PBX3: variants seen among roughly 807,000 people sequenced by gnomAD.
PBX3 encodes PBX homeobox 3, also known as pre-B-cell leukemia transcription factor 3.
In PBX3, 14 loss-of-function variants were observed where a neutral mutation model predicts 48.5. The ratio of observed to expected loss-of-function variants is 0.29; its 90% confidence interval spans 0.19 to 0.45. The LOEUF (loss-of-function observed/expected upper bound fraction) is 0.45, where lower values mean the gene tolerates loss of function less well. Ranked by LOEUF, PBX3 falls within the 20% of genes least tolerant of loss-of-function variation. PBX3 has a pLI of 1.00. For missense variants in PBX3, 386 were observed against 546.7 expected, an observed-to-expected ratio of 0.71 and a Z score of 2.93; for synonymous variants, 210 against 200.3, an observed-to-expected ratio of 1.05 and a Z score of -0.41.
intron 2 of PBX3, among the ~76,000 whole-genome samples, chr9:125,831,042 A>G (rs556163867): frequency 6.6e-6 from 1 of 152,190 alleles, no homozygotes; most frequent in South Asian, 2.1e-4. Context: ...GTCCTTTTTC[A>G]TATACCATTG....
intron 2 of PBX3, among the ~76,000 whole-genome samples, chr9:125,855,343 A>C (rs1199421008): frequency 6.6e-6 from 1 of 152,132 alleles, no homozygotes; most frequent in Non-Finnish European, 1.5e-5. Context: ...CCTTATACCA[A>C]ATAATTTAAA....
chr9:125,750,353 G>C (rs1836337244), intron 2 of PBX3, among the ~76,000 whole-genome samples: 1 of 152,114 alleles, frequency 6.6e-6, no homozygotes, highest in Non-Finnish European at 1.5e-5. Flanking sequence ...TTTTGGCCTA[G>C]CTAGCTTGAG....
chr9:125,958,747 A>T (rs1842363628), intron 5 of PBX3, among the ~76,000 whole-genome samples: 1 of 152,222 alleles, frequency 6.6e-6, no homozygotes, highest in Non-Finnish European at 1.5e-5. Context: ...AAATCTCTTT[A>T]AAAATGAGAA....
intron 2 of PBX3, among the ~76,000 whole-genome samples, chr9:125,882,361 A>G (rs964703367): frequency 3.3e-5 from 5 of 152,042 alleles, no homozygotes; most frequent in Non-Finnish European, 5.9e-5. Context: ...TTGTGTCTCA[A>G]ATGAAGAGTT....
chr9:125,780,705 C>A (rs1837257168), intron 2 of PBX3, among the ~76,000 whole-genome samples: 1 of 113,478 alleles, frequency 8.8e-6, no homozygotes. Context: ...CCACCCCCAC[C>A]TCCCTCCCGG....
At chr9:125,772,168 C>A (rs1836956910) in intron 2 of PBX3, among the ~76,000 whole-genome samples, 2 of 152,294 alleles carry the variant, frequency 1.3e-5, no homozygotes, top group South Asian at 4.1e-4. Context: ...ATTCTACTCT[C>A]AAGCACACTA....
intron 2 of PBX3, among the ~76,000 whole-genome samples, chr9:125,899,842 C>T (rs1158749225): frequency 2.0e-5 from 3 of 151,548 alleles, no homozygotes; most frequent in African/African-American, 7.3e-5. Flanking sequence ...GAATTGGAGG[C>T]ATTATTTTTT....
rs1836276305 is a variant in PBX3 at position 125,748,604 on chromosome 9, T to C, written c.255T>C (p.Cys85=). ...RMKPALFSVL[C]EIKEKTGLSI... is the part of the protein sequence containing the mutation. Reference sequence around the variant, plus strand: ...AACCAGCGCTCTTCAGCGTCCTGTGTGAGATCAAAGAGAAAACAGGTAAGA... The same window carrying C: ...AACCAGCGCTCTTCAGCGTCCTGTGCGAGATCAAAGAGAAAACAGGTAAGA... The change falls in exon 2 of 9, where the codon TGT becomes TGC. Residue 85 remains cysteine (C), a synonymous_variant. Coordinates refer to ENST00000373489, the MANE Select transcript of PBX3 (RefSeq NM_006195.6). 6.2e-7 allele frequency: 1 copy of C among 1,613,494 alleles called. No homozygotes were observed.
At chr9:125,845,014 A>T (rs1354824807) in intron 2 of PBX3, 1 of 152,116 alleles carries the variant, frequency 6.6e-6, no homozygotes, top group African/African-American at 2.4e-5. Context: ...GGTTAGTAGT[A>T]TAATATGCTT....
chr9:125,788,874 CAA>C (rs199772154), intron 2 of PBX3, among the ~76,000 whole-genome samples: 8 of 139,172 alleles, frequency 5.7e-5, no homozygotes, highest in Admixed American at 7.2e-5. Flanking sequence ...GACTCCATCT[CAA>C]AAAAAAAAAA....
At chr9:125,818,921 C>T (rs1163155923) in intron 2 of PBX3, among the ~76,000 whole-genome samples, 3 of 151,436 alleles carry the variant, frequency 2.0e-5, no homozygotes, top group Admixed American at 6.6e-5. Context: ...CTGCAGCCTC[C>T]GTCTCCCAGG....
At chr9:125,819,275 T>C (rs1237749408) in intron 2 of PBX3, among the ~76,000 whole-genome samples, 1 of 151,312 alleles carries the variant, frequency 6.6e-6, no homozygotes, top group Non-Finnish European at 1.5e-5. Context: ...ACACCTGTAA[T>C]CCCAGCACTT....
At chr9:125,815,065 T>G (rs1838417617) in intron 2 of PBX3, among the ~76,000 whole-genome samples, 2 of 152,198 alleles carry the variant, frequency 1.3e-5, no homozygotes, top group Admixed American at 1.3e-4. Flanking sequence ...AGGAAGATAA[T>G]TTTTCCTCAC....
chr9:125,962,931 A>T, intron 7 of PBX3, 81 bp from the exon 8 acceptor site: 1 of 640,266 alleles, frequency 1.6e-6, no homozygotes, highest in Non-Finnish European at 2.7e-6. Flanking sequence ...TGTGGCACAC[A>T]TAATTCAAAT....
chr9:125,883,122 T>G (rs1463223284), intron 2 of PBX3, among the ~76,000 whole-genome samples: 1 of 151,706 alleles, frequency 6.6e-6, no homozygotes, highest in African/African-American at 2.4e-5. Context: ...GTTGATGTAG[T>G]TTAAGTCTTT....
At chr9:125,854,344 A>G (rs950773370) in intron 2 of PBX3, among the ~76,000 whole-genome samples, 1 of 151,750 alleles carries the variant, frequency 6.6e-6, no homozygotes, top group Admixed American at 6.6e-5. Flanking sequence ...TATGTTTCCC[A>G]GGCTGGTCTT....
At position 125,966,881 on chromosome 9, in the gene PBX3, T is replaced by C. The variant is rs1842544998; in HGVS notation, c.*958T>C. 6.5e-6 allele frequency: 1 copy of C among 152,674 alleles called. No individual in the cohort carries two copies. The highest frequency in any genetic ancestry group is 1.5e-5 in the Non-Finnish European group (1 of 68,046). The allele number at this position is 152,674 out of a possible 1,614,324, so 9.5% of individuals were successfully genotyped here. On this transcript the variant is annotated 3_prime_UTR_variant, in exon 9 of 9. Transcript: ENST00000373489. ...CGCTGTAGTTTGTCTCTTTCTTATC[T>C]TTTTGCATCTTGTAATTAACTCTTT...
chr9:125,816,508 C>T (rs1838468276), intron 2 of PBX3, among the ~76,000 whole-genome samples: 1 of 152,194 alleles, frequency 6.6e-6, no homozygotes. Context: ...ATCTTCATAA[C>T]AACCTTTGAT....
At chr9:125,848,740 A>G (rs756313319) in intron 2 of PBX3, among the ~76,000 whole-genome samples, 4 of 152,028 alleles carry the variant, frequency 2.6e-5, no homozygotes, top group Non-Finnish European at 5.9e-5. Flanking sequence ...GTAGAGATAC[A>G]GTATTGAATA....
Sources: gnomAD v4.1 joint callset for allele counts (sites outside exome capture counted in the v4.1 genomes callset) on GRCh38, gnomAD v4.1.1 for gene constraint, MANE v1.5 for transcripts, NCBI Gene and HGNC (gene_info 2026-07-23, HGNC 2026-07-21) for gene names.